The following FGD4 variants were observed in gnomAD, a reference collection of about 807,000 sequenced individuals.
The protein encoded by FGD4 is FYVE, RhoGEF and PH domain-containing protein 4.
Under a neutral mutation model 102.0 loss-of-function variants are expected in FGD4, and 42 were observed. The observed-to-expected ratio is 0.41, with a 90% CI of 0.32 to 0.53. The LOEUF is 0.53. FGD4 is among the 20% of genes least tolerant of loss of function. The probability of loss-of-function intolerance (pLI) is 0.21; values close to 1 mark genes in which losing one functional copy is unlikely to be tolerated. For synonymous variants in FGD4, 380 were observed against 375.7 expected (o/e 1.01, Z -0.13); for missense variants, 902 against 1,078.2 (o/e 0.84, Z 2.29).
intron 2 of FGD4, among the ~76,000 whole-genome samples, chr12:32,573,598 A>G (rs1254545042): frequency 1.3e-5 from 2 of 152,250 alleles, no homozygotes; most frequent in Non-Finnish European, 2.9e-5. Flanking sequence ...AATTTTTTCT[A>G]AGACAGTGTG....
At chr12:32,572,486 GA>G (rs952775072) in intron 2 of FGD4, among the ~76,000 whole-genome samples, 3 of 152,068 alleles carry the variant, frequency 2.0e-5, no homozygotes, top group Admixed American at 6.5e-5. Flanking sequence ...TGATGAAAGG[GA>G]AAAAAATCTA....
intron 4 of FGD4, 46 bp downstream of exon 4, chr12:32,582,513 C>T (rs1333924862): frequency 1.5e-5 from 24 of 1,600,020 alleles, no homozygotes; most frequent in Middle Eastern, 3.4e-4. Context: ...CCTGCCTATT[C>T]GATTGTTGTC....
At chr12:32,460,546 A>G (rs951520952) in intron 1 of FGD4, among the ~76,000 whole-genome samples, 1 of 152,076 alleles carries the variant, frequency 6.6e-6, no homozygotes, top group Non-Finnish European at 1.5e-5. Flanking sequence ...TGAGTATTTT[A>G]TAATATAATA....
At chr12:32,431,408 T>A (rs939890216) in intron 1 of FGD4, among the ~76,000 whole-genome samples, 1 of 152,170 alleles carries the variant, frequency 6.6e-6, no homozygotes, top group Non-Finnish European at 1.5e-5. Flanking sequence ...AATTTATACT[T>A]TTTTTCGTTT....
chr12:32,450,064 C>T (rs961668435), intron 1 of FGD4, among the ~76,000 whole-genome samples: 7 of 152,148 alleles, frequency 4.6e-5, no homozygotes, highest in African/African-American at 1.7e-4. Context: ...TCCCAAGTAG[C>T]TGGGATTACA....
At chr12:32,461,001 AC>A (rs1943091117) in intron 1 of FGD4, among the ~76,000 whole-genome samples, 2 of 152,214 alleles carry the variant, frequency 1.3e-5, no homozygotes, top group Non-Finnish European at 2.9e-5. Context: ...TCTCCAGATT[AC>A]TAGTTGAATT....
At chr12:32,510,237 T>C (rs1038832814) in intron 1 of FGD4, among the ~76,000 whole-genome samples, 9 of 152,290 alleles carry the variant, frequency 5.9e-5, no homozygotes, top group Admixed American at 3.3e-4. Flanking sequence ...CGTTCAACAA[T>C]AGGAAAATAG....
intron 11 of FGD4, among the ~76,000 whole-genome samples, chr12:32,620,301 A>G (rs1949729598): frequency 6.6e-6 from 1 of 152,154 alleles, no homozygotes. Flanking sequence ...GGGGCAATCA[A>G]ATGAAAAGAA....
intron 1 of FGD4, among the ~76,000 whole-genome samples, chr12:32,401,964 G>T (rs1370797597): frequency 2.7e-5 from 4 of 145,972 alleles, no homozygotes; most frequent in Non-Finnish European, 6.0e-5. Flanking sequence ...GTGCAGTGAC[G>T]CAATCTTGGC....
At chr12:32,565,204 T>G (rs928265062) in intron 2 of FGD4, among the ~76,000 whole-genome samples, 1 of 152,218 alleles carries the variant, frequency 6.6e-6, no homozygotes, top group Non-Finnish European at 1.5e-5. Context: ...AAGTTGTATG[T>G]TTTAAGGATT....
chr12:32,600,402 C>A (rs1398625941), intron 5 of FGD4: 3 of 1,272,738 alleles, frequency 2.4e-6, no homozygotes, highest in East Asian at 1.1e-4. Context: ...TTCTTTTTGC[C>A]TCTCAAGAAA....
At chr12:32,550,603 C>G (rs1239861694) in intron 1 of FGD4, among the ~76,000 whole-genome samples, 2 of 139,666 alleles carry the variant, frequency 1.4e-5, no homozygotes, top group African/African-American at 5.4e-5. Flanking sequence ...CCTGTAAGGT[C>G]AGAGCTGCAG....
chr12:32,595,454 T>C (rs1384361602), intron 4 of FGD4, among the ~76,000 whole-genome samples: 1 of 152,200 alleles, frequency 6.6e-6, no homozygotes, highest in African/African-American at 2.4e-5. Context: ...TCTCATTCTC[T>C]GGGAGCCTGA....
At chr12:32,488,495 C>T (rs1173678370) in intron 1 of FGD4, among the ~76,000 whole-genome samples, 1 of 151,402 alleles carries the variant, frequency 6.6e-6, no homozygotes, top group Non-Finnish European at 1.5e-5. Flanking sequence ...TTGAATTTGA[C>T]TTCAAGATCT....
chr12:32,591,037 T>C (rs1218007108), intron 4 of FGD4, among the ~76,000 whole-genome samples: 1 of 152,226 alleles, frequency 6.6e-6, no homozygotes, highest in East Asian at 1.9e-4. Flanking sequence ...AAAGTGTTGA[T>C]GCATCTGATA....
chr12:32,562,950 T>C (rs1318823036), intron 1 of FGD4, among the ~76,000 whole-genome samples: 4 of 151,566 alleles, frequency 2.6e-5, no homozygotes, highest in Non-Finnish European at 5.9e-5. Flanking sequence ...GACGGGGTGG[T>C]GGCCGGGCAG....
intron 1 of FGD4, among the ~76,000 whole-genome samples, chr12:32,476,146 AGTAACATT>A (rs1230702393): frequency 1.3e-5 from 2 of 152,162 alleles, no homozygotes; most frequent in African/African-American, 2.4e-5. Context: ...TTCAGCCACC[AGTAACATT>A]TCTATACTGT....
intron 1 of FGD4, among the ~76,000 whole-genome samples, chr12:32,459,965 C>T (rs764062833): frequency 4.6e-5 from 7 of 152,028 alleles, no homozygotes; most frequent in Admixed American, 3.3e-4. Context: ...CTCAGCCTCC[C>T]AAAGTGTTGG....
chr12:32,480,399 T>A (rs1359006982), intron 1 of FGD4, among the ~76,000 whole-genome samples: 2 of 152,134 alleles, frequency 1.3e-5, no homozygotes, highest in African/African-American at 4.8e-5. Context: ...CTTGTCTTCG[T>A]GATCCGCCCA....
Sources: gnomAD v4.1 joint callset for allele counts (sites outside exome capture counted in the v4.1 genomes callset) on GRCh38, gnomAD v4.1.1 for gene constraint, MANE v1.5 for transcripts, NCBI Gene and HGNC (gene_info 2026-07-23, HGNC 2026-07-21) for gene names.